Variants in PLSCR5 observed in about 807,000 individuals in gnomAD.
PLSCR5 encodes phospholipid scramblase family, member 5.
Under a neutral mutation model 33.6 loss-of-function variants are expected in PLSCR5, and 44 were observed. The ratio of observed to expected loss-of-function variants is 1.31; its 90% CI spans 1.03 to 1.69. The LOEUF (loss-of-function observed/expected upper bound fraction) is 1.69. PLSCR5 is among the 40% of genes most tolerant of loss of function. The pLI is 0.00. For missense variants in PLSCR5, 375 were observed against 318.7 expected, an observed-to-expected ratio of 1.18 and a Z score of -1.34; for synonymous variants, 148 against 112.3, an observed-to-expected ratio of 1.32 and a Z score of -2.01.
chr3:146,577,340 G>A (rs895838914), intron 7 of PLSCR5, among the ~76,000 whole-genome samples: 4 of 152,066 alleles, frequency 2.6e-5, no homozygotes, highest in Non-Finnish European at 4.4e-5. Context: ...TGACTCCATG[G>A]ATGTGTCTTG....
intron 1 of PLSCR5, among the ~76,000 whole-genome samples, chr3:146,603,000 C>G (rs974877186): frequency 1.3e-5 from 2 of 152,064 alleles, no homozygotes; most frequent in Non-Finnish European, 2.9e-5. Context: ...ATTGAAGCAA[C>G]CTTTGGAGAC....
intron 4 of PLSCR5, among the ~76,000 whole-genome samples, chr3:146,593,153 TATA>T (rs1440189385): frequency 6.6e-6 from 1 of 152,164 alleles, no homozygotes; most frequent in East Asian, 1.9e-4. Flanking sequence ...AAGTCCCATC[TATA>T]ATATTTCCTG....
At chr3:146,591,462 A>G (rs557118286) in intron 5 of PLSCR5, among the ~76,000 whole-genome samples, 1 of 152,116 alleles carries the variant, frequency 6.6e-6, no homozygotes, top group South Asian at 2.1e-4. Context: ...TAATACTTAC[A>G]CTGGTCTATG....
intron 5 of PLSCR5, among the ~76,000 whole-genome samples, chr3:146,591,125 C>T (rs974361634): frequency 2.0e-5 from 3 of 150,942 alleles, no homozygotes; most frequent in African/African-American, 2.4e-5. Flanking sequence ...GATCTCAAGG[C>T]CCATAGGAAA....
chr3:146,597,679 A>G (rs1469461586), intron 2 of PLSCR5, among the ~76,000 whole-genome samples: 1 of 152,138 alleles, frequency 6.6e-6, no homozygotes, highest in Non-Finnish European at 1.5e-5. Context: ...TTCTTTTTCT[A>G]TTCATTGATA....
At position 146,589,755 on chromosome 3, in the gene PLSCR5, A is replaced by G. The variant is rs760463318; in HGVS notation, c.675T>C (p.Phe225=). The change falls in exon 6 of 8, where the codon TTT becomes TTC. Residue 225 remains phenylalanine (F), a synonymous_variant. Transcript: ENST00000443512. ...IGKISKYWSG[F]VNDVFTNADN... is the part of the protein sequence containing the mutation. ...CAGCATTTGTGAAGACATCATTTAC[A>G]AATCCTGACCAGTACTTTGAAATCT... 1 of 1,595,916 alleles carries G rather than the reference A, an allele frequency of 6.3e-7. No homozygotes were observed. The highest frequency in any genetic ancestry group is 1.1e-5 in the South Asian group (1 of 89,760).
intron 4 of PLSCR5, 45 bp from the exon 5 acceptor site, chr3:146,591,926 ATATTTTAATTTTAC>A: frequency 6.9e-7 from 1 of 1,456,934 alleles, no homozygotes; most frequent in Non-Finnish European, 9.2e-7. Context: ...TTAGGTTATC[ATATTTTAATTTTAC>A]TATAATGTCA....
chr3:146,584,465 G>A (rs1310334356), downstream of PLSCR5, among the ~76,000 whole-genome samples: 1 of 152,110 alleles, frequency 6.6e-6, no homozygotes, highest in Non-Finnish European at 1.5e-5. Flanking sequence ...GGTGATACCA[G>A]TTACACTGAA....
intron 3 of PLSCR5, among the ~76,000 whole-genome samples, chr3:146,594,820 C>A (rs1165811038): frequency 6.6e-6 from 1 of 152,042 alleles, no homozygotes; most frequent in Admixed American, 6.6e-5. Flanking sequence ...ATGGCAATAT[C>A]ACCAAAGATT....
intron 6 of PLSCR5, among the ~76,000 whole-genome samples, chr3:146,588,555 A>C (rs1228866071): frequency 1.3e-5 from 2 of 148,758 alleles, no homozygotes; most frequent in Non-Finnish European, 3.0e-5. Context: ...GCACATGTTC[A>C]TGCACACACA....
Position 146,585,924 on chromosome 3 carries a change from T to C in PLSCR5, c.*63A>G. The C allele has an allele frequency of 1.3e-6, 1 of 779,912 alleles. No individual in the cohort carries two copies. Among genetic ancestry groups the C allele is most frequent in the Non-Finnish European group, 1.9e-6 (1 of 536,414 alleles). 48.3% of individuals were successfully genotyped at this position (779,912 alleles called of 1,614,324 possible). A position where few individuals can be genotyped will look rare whatever the true frequency, so the allele number is the denominator to read the frequency against. The stretch of plus-strand genomic sequence containing the variant: ...ACATTCAAACCATTCAGAAATGAAA[T>C]CCAGAGCCCAAGGGATTTCTAGAAG... On this transcript the variant is annotated 3_prime_UTR_variant, in exon 8 of 8. Transcript: ENST00000443512.
chr3:146,586,582 A>G (rs1201705540), intron 6 of PLSCR5, among the ~76,000 whole-genome samples: 1 of 152,178 alleles, frequency 6.6e-6, no homozygotes, highest in Admixed American at 6.6e-5. Context: ...TTGAACAAAA[A>G]TTAGATATAT....
intron 6 of PLSCR5, among the ~76,000 whole-genome samples, chr3:146,588,130 T>A (rs985461762): frequency 6.6e-6 from 1 of 151,942 alleles, no homozygotes; most frequent in Non-Finnish European, 1.5e-5. Flanking sequence ...TGACACAAAC[T>A]GAAATTAGGC....
chr3:146,579,588 A>T (rs1471978625), intron 7 of PLSCR5, among the ~76,000 whole-genome samples: 1 of 152,170 alleles, frequency 6.6e-6, no homozygotes, highest in Non-Finnish European at 1.5e-5. Flanking sequence ...TGATTTATCT[A>T]ACAAGTTTTA....
chr3:146,585,971 G>A, intron 7 of PLSCR5, 29 bp from the exon 8 acceptor site: 1 of 1,201,392 alleles, frequency 8.3e-7, no homozygotes, highest in East Asian at 3.2e-5. Flanking sequence ...GAGTTAGATA[G>A]CGTCAAATAT....
chr3:146,596,949 A>C (rs1001426061), intron 2 of PLSCR5, among the ~76,000 whole-genome samples: 3 of 152,162 alleles, frequency 2.0e-5, no homozygotes, highest in Non-Finnish European at 4.4e-5. Context: ...ATACTAGACC[A>C]AGTCTTTAGT....
downstream of PLSCR5, among the ~76,000 whole-genome samples, chr3:146,585,015 C>T (rs1319695411): frequency 2.0e-5 from 3 of 152,046 alleles, no homozygotes; most frequent in African/African-American, 7.2e-5. Context: ...TAAAAGAAAT[C>T]TGTTCCATTT....
Position 146,605,293 on chromosome 3 carries a change from C to T in PLSCR5, c.-81G>A. ...CTTGTTGCAGCAAGGAGAGAAAACG[C>T]AGCATGCACAAAACTTCAGAACGTG... is the stretch of plus-strand genomic sequence containing the variant. On this transcript the variant is annotated 5_prime_UTR_variant, in exon 1 of 8. Transcript: ENST00000443512. The T allele has an allele frequency of 6.2e-7, 1 of 1,602,486 alleles. No homozygotes were observed. Among genetic ancestry groups the T allele is most frequent in the Non-Finnish European group, 8.5e-7 (1 of 1,173,942 alleles).
intron 1 of PLSCR5, among the ~76,000 whole-genome samples, chr3:146,604,352 G>T (rs559323964): frequency 1.1e-4 from 16 of 151,958 alleles, no homozygotes; most frequent in Admixed American, 1.1e-3. Flanking sequence ...GTAAGATAAC[G>T]TAATGATATT....
Sources: allele counts gnomAD v4.1 joint callset (sites outside exome capture counted in the v4.1 genomes callset), GRCh38; gene constraint gnomAD v4.1.1; transcripts MANE v1.5; gene names NCBI Gene and HGNC (gene_info 2026-07-23, HGNC 2026-07-21).